Variants in LRMDA observed in about 807,000 individuals in gnomAD.
LRMDA encodes leucine rich melanocyte differentiation associated.
A neutral mutation model predicts 29.8 loss-of-function variants in LRMDA; 18 were observed. The ratio of observed to expected loss-of-function variants is 0.60; its 90% confidence interval spans 0.42 to 0.90. LRMDA has a LOEUF of 0.90. Ranked by LOEUF, LRMDA falls within the 40% of genes least tolerant of loss-of-function variation. The probability of loss-of-function intolerance (pLI) is 0.00; values close to 1 mark genes in which losing one functional copy is unlikely to be tolerated. For synonymous variants in LRMDA, 125 were observed against 109.4 expected (o/e 1.14, Z -0.89); for missense variants, 273 against 273.9 (o/e 1.00, Z 0.02).
Position 75,615,091 on chromosome 10 carries a change from C to G in LRMDA, c.131+176597C>G, listed in dbSNP as rs1398579062. ...GAAGGATGTGGCCATTGTCCTTTCT[C>G]TCATCTCTGCTAATTAAAGACTTGG... On this transcript the variant is annotated intron_variant, in intron 2 of 6. Coordinates refer to ENST00000611255, the MANE Select transcript of LRMDA (RefSeq NM_001305581.2). 3.3e-5 allele frequency among the ~76,000 whole-genome samples: 5 copies of G among 152,210 alleles called. No individual in the cohort carries two copies. The East Asian group carries it at 9.6e-4, about 29-fold the overall frequency.
intron 4 of LRMDA, among the ~76,000 whole-genome samples, chr10:76,055,840 G>A (rs1346510718): frequency 6.6e-6 from 1 of 152,216 alleles, no homozygotes; most frequent in East Asian, 1.9e-4. Flanking sequence ...GAACCACAGA[G>A]CCCCAAAGAG....
At chr10:76,308,135 A>C (rs1840581495) in intron 5 of LRMDA, among the ~76,000 whole-genome samples, 1 of 152,050 alleles carries the variant, frequency 6.6e-6, no homozygotes, top group African/African-American at 2.4e-5. Context: ...CCAAATCAAA[A>C]AATCCTCAAA....
intron 2 of LRMDA, among the ~76,000 whole-genome samples, chr10:75,968,256 G>C (rs970157553): frequency 1.3e-5 from 2 of 152,054 alleles, no homozygotes; most frequent in African/African-American, 2.4e-5. Flanking sequence ...CCGGAGGAGT[G>C]GCTGCTCATA....
intron 2 of LRMDA, among the ~76,000 whole-genome samples, chr10:75,746,034 T>G (rs917081833): frequency 1.3e-5 from 2 of 152,194 alleles, no homozygotes; most frequent in Non-Finnish European, 2.9e-5. Context: ...GTTAAGGTAT[T>G]TGTTTGGGAG....
At chr10:76,125,998 C>G (rs569028654) in intron 5 of LRMDA, among the ~76,000 whole-genome samples, 1 of 152,328 alleles carries the variant, frequency 6.6e-6, no homozygotes, top group Non-Finnish European at 1.5e-5. Flanking sequence ...TCCTTTTCCC[C>G]TTTGTTCTTG....
chr10:75,818,465 G>T (rs1844097905), intron 2 of LRMDA, among the ~76,000 whole-genome samples: 1 of 152,204 alleles, frequency 6.6e-6, no homozygotes, highest in Admixed American at 6.5e-5. Flanking sequence ...ACTGAGTGGT[G>T]TGTAGGTGAC....
chr10:76,360,500 G>A (rs1403353394), intron 6 of LRMDA, among the ~76,000 whole-genome samples: 1 of 152,126 alleles, frequency 6.6e-6, no homozygotes, highest in African/African-American at 2.4e-5. Context: ...ACCCTGTGTA[G>A]GCAGATCAAG....
intron 2 of LRMDA, among the ~76,000 whole-genome samples, chr10:75,452,513 C>T (rs183730072): frequency 1.1e-3 from 165 of 146,918 alleles, no homozygotes; most frequent in African/African-American, 4.0e-3. Flanking sequence ...TTTTTTGGAT[C>T]GGGTTTTAAA....
At chr10:75,774,808 C>T (rs1843289208) in intron 2 of LRMDA, among the ~76,000 whole-genome samples, 1 of 152,186 alleles carries the variant, frequency 6.6e-6, no homozygotes, top group Non-Finnish European at 1.5e-5. Flanking sequence ...GCAGTTTTCC[C>T]AGATCCTTGA....
intron 5 of LRMDA, among the ~76,000 whole-genome samples, chr10:76,105,714 T>C (rs1849469734): frequency 6.6e-6 from 1 of 152,154 alleles, no homozygotes; most frequent in Admixed American, 6.5e-5. Context: ...TTCAGAAACC[T>C]GGCCTCCGGA....
chr10:75,680,033 A>G (rs1053209554), intron 2 of LRMDA, among the ~76,000 whole-genome samples: 7 of 152,262 alleles, frequency 4.6e-5, no homozygotes, highest in African/African-American at 7.2e-5. Context: ...TCCATTTCTC[A>G]GCAACTCTTC....
intron 2 of LRMDA, among the ~76,000 whole-genome samples, chr10:75,785,844 A>G (rs1209839856): frequency 6.6e-6 from 1 of 152,246 alleles, no homozygotes; most frequent in African/African-American, 2.4e-5. Context: ...CTTCGATTTT[A>G]TCAAACATTG....
intron 6 of LRMDA, among the ~76,000 whole-genome samples, chr10:76,454,618 A>G (rs1589194229): frequency 8.1e-6 from 1 of 123,304 alleles, no homozygotes; most frequent in East Asian, 2.7e-4. Flanking sequence ...TCTCACCGCC[A>G]CCCCCCACCC....
intron 5 of LRMDA, among the ~76,000 whole-genome samples, chr10:76,176,952 A>C (rs1248256998): frequency 6.6e-6 from 1 of 152,160 alleles, no homozygotes; most frequent in East Asian, 1.9e-4. Context: ...ACCATTTCAG[A>C]CCTCCAAAAG....
chr10:76,544,710 GCA>G (rs71028204), intron 6 of LRMDA, among the ~76,000 whole-genome samples: 10,770 of 145,198 alleles, frequency 0.074, 540 homozygotes, highest in African/African-American at 0.14. Context: ...ATATATACAT[GCA>G]CACACACACA....
chr10:75,875,418 T>C (rs1845179654), intron 2 of LRMDA, among the ~76,000 whole-genome samples: 3 of 152,158 alleles, frequency 2.0e-5, no homozygotes. Context: ...GGCCATTTCT[T>C]TCCTTTTCTG....
intron 5 of LRMDA, among the ~76,000 whole-genome samples, chr10:76,210,720 A>G (rs752514030): frequency 2.6e-5 from 4 of 152,178 alleles, no homozygotes; most frequent in African/African-American, 4.8e-5. Flanking sequence ...TCACCCTTCT[A>G]TGAAGTCACT....
At chr10:76,356,945 G>T (rs924950575) in intron 6 of LRMDA, among the ~76,000 whole-genome samples, 16 of 152,266 alleles carry the variant, frequency 1.1e-4, no homozygotes, top group African/African-American at 3.9e-4. Flanking sequence ...TCCTGTGGCA[G>T]GTGGGCAATG....
At position 75,838,032 on chromosome 10, in the gene LRMDA, A is replaced by G. The variant is rs146796399; in HGVS notation, c.132-197976A>G. Among the ~76,000 whole-genome samples the G allele has an allele frequency of 3.2e-3, 490 of 152,320 alleles. 4 individuals carry two copies. Among genetic ancestry groups the G allele is most frequent in the African/African-American group, 0.011 (473 of 41,564 alleles). On this transcript the variant is annotated intron_variant, in intron 2 of 6. Coordinates refer to ENST00000611255, the MANE Select transcript of LRMDA (RefSeq NM_001305581.2). ...ATTTTCAATTCAGTAAATGAAGTAT[A>G]TATAAAAACCACAATGACTAAAGGG...
Sources: allele counts gnomAD v4.1 joint callset (sites outside exome capture counted in the v4.1 genomes callset), GRCh38; gene constraint gnomAD v4.1.1; transcripts MANE v1.5; gene names NCBI Gene and HGNC (gene_info 2026-07-23, HGNC 2026-07-21).